The following SLC41A2 variants were observed in gnomAD, a reference collection of about 807,000 sequenced individuals.
SLC41A2 encodes SLC41A1-like 1.
Under a neutral mutation model 58.3 loss-of-function variants are expected in SLC41A2, and 32 were observed. The observed-to-expected ratio is 0.55, with a 90% CI of 0.41 to 0.74. The LOEUF is 0.74. Among genes scored for constraint, SLC41A2 ranks in the 30% least tolerant of loss-of-function variants. The pLI is 0.00. For missense variants in SLC41A2, 514 were observed against 680.6 expected, an observed-to-expected ratio of 0.76 and a Z score of 2.72; for synonymous variants, 190 against 235.0, an observed-to-expected ratio of 0.81 and a Z score of 1.75.
chr12:104,899,950 A>T, intron 3 of SLC41A2, among the ~76,000 whole-genome samples: 1 of 152,106 alleles, frequency 6.6e-6, no homozygotes, highest in Non-Finnish European at 1.5e-5. Flanking sequence ...ATTCCTATGT[A>T]AATGCACTTT....
At chr12:104,896,751 T>G (rs1420701577) in intron 3 of SLC41A2, among the ~76,000 whole-genome samples, 3 of 152,200 alleles carry the variant, frequency 2.0e-5, no homozygotes, top group Non-Finnish European at 4.4e-5. Context: ...TTTGCAACTG[T>G]GCCACGTTAA....
intron 10 of SLC41A2, among the ~76,000 whole-genome samples, chr12:104,839,280 G>T (rs929641883): frequency 6.6e-6 from 1 of 151,980 alleles, no homozygotes; most frequent in Admixed American, 6.5e-5. Flanking sequence ...TTTCCACTGG[G>T]ATACTTTATA....
At chr12:104,939,880 A>T (rs2047432158) in intron 1 of SLC41A2, among the ~76,000 whole-genome samples, 1 of 152,222 alleles carries the variant, frequency 6.6e-6, no homozygotes, top group African/African-American at 2.4e-5. Context: ...ACACACATAC[A>T]CACATACAGA....
intron 1 of SLC41A2, among the ~76,000 whole-genome samples, chr12:104,957,229 A>T (rs1400067345): frequency 1.3e-5 from 2 of 152,244 alleles, no homozygotes; most frequent in African/African-American, 2.4e-5. Context: ...ATACTACATG[A>T]GTGAAACTTG....
chr12:104,824,442 G>C (rs1412983106), intron 10 of SLC41A2, among the ~76,000 whole-genome samples: 2 of 152,118 alleles, frequency 1.3e-5, no homozygotes, highest in African/African-American at 4.8e-5. Flanking sequence ...CCTCCAAGCG[G>C]CCCGACTCCA....
intron 4 of SLC41A2, among the ~76,000 whole-genome samples, chr12:104,894,846 C>T (rs1187146228): frequency 6.6e-6 from 1 of 151,994 alleles, no homozygotes; most frequent in Admixed American, 6.6e-5. Flanking sequence ...TATATTAATA[C>T]TAGTAACTAA....
In SLC41A2 at chr12:104,869,770, A is replaced by G. The variant is rs547717710; in HGVS notation, c.1028-3191T>C. Among the ~76,000 whole-genome samples the G allele has an allele frequency of 5.4e-4, 83 of 152,336 alleles. 1 individual carries two copies. Among genetic ancestry groups the G allele is most frequent in the Non-Finnish European group, 6.3e-4 (43 of 68,034 alleles). ...ACAAATATATAAAAAGAGATGCTACAAACATTTCTCTTTTTTGGATATACT... is the reference window on the plus strand; with the variant it reads ...ACAAATATATAAAAAGAGATGCTACGAACATTTCTCTTTTTTGGATATACT... On this transcript the variant is annotated intron_variant, in intron 6 of 10. Coordinates refer to ENST00000258538, the MANE Select transcript of SLC41A2 (RefSeq NM_001352171.3).
Position 104,845,914 on chromosome 12 carries a change from T to C in SLC41A2, c.1316A>G (p.His439Arg), listed in dbSNP as rs759570351. The stretch of plus-strand genomic sequence containing the variant: ...ATCAGGCAATTCTCCTGGAATGCTA[T>C]GTAAATGGAGGTAGGTAGAAATCCT... ...ASRISTYLHL[H>R]SIPGELPDEP... Residue 439 changes from histidine to arginine, a missense_variant, in exon 9 of 11, where the codon CAT becomes CGT. His to Arg is a conservative substitution (Grantham distance 29). Around this residue, in one of 3 missense-constraint regions of SLC41A2, gnomAD observed 50 missense variants for 104.5 expected, o/e 0.48. Coordinates refer to ENST00000258538, the MANE Select transcript of SLC41A2 (RefSeq NM_001352171.3). 11 of 1,613,876 alleles carry C rather than the reference T, an allele frequency of 6.8e-6. No individual in the cohort carries two copies. Among genetic ancestry groups the C allele is most frequent in the Admixed American group, 5.0e-5 (3 of 60,008 alleles).
intron 3 of SLC41A2, among the ~76,000 whole-genome samples, chr12:104,902,365 A>T (rs1228004337): frequency 6.6e-6 from 1 of 152,200 alleles, no homozygotes; most frequent in Admixed American, 6.5e-5. Flanking sequence ...CTGGATAGAG[A>T]GTGAAGAGGG....
intron 1 of SLC41A2, among the ~76,000 whole-genome samples, chr12:104,948,544 A>T (rs1466345938): frequency 6.6e-6 from 1 of 152,232 alleles, no homozygotes; most frequent in East Asian, 1.9e-4. Flanking sequence ...CATCCTTTAC[A>T]GTTTAGAAAA....
intron 8 of SLC41A2, among the ~76,000 whole-genome samples, chr12:104,850,714 T>C (rs1439312154): frequency 6.6e-6 from 1 of 152,214 alleles, no homozygotes; most frequent in Non-Finnish European, 1.5e-5. Context: ...TTAAACTAAA[T>C]GTAGCTTCAT....
At chr12:104,827,508 T>G (rs2041889057) in intron 10 of SLC41A2, among the ~76,000 whole-genome samples, 1 of 152,262 alleles carries the variant, frequency 6.6e-6, no homozygotes, top group Non-Finnish European at 1.5e-5. Context: ...GTTTAATTTC[T>G]TTCACCAGGG....
At position 104,895,273 on chromosome 12, in the gene SLC41A2, C is replaced by T; in HGVS notation, c.735+1G>A. On this transcript the variant is annotated splice_donor_variant, in intron 4 of 10. Coordinates refer to ENST00000258538, the MANE Select transcript of SLC41A2 (RefSeq NM_001352171.3). LOFTEE classifies it high-confidence loss of function. ...TGTAAACAAATATGTGTACCACTTA[C>T]CTGCTTTAAAGCCAAGTTGCCAATT... 6.2e-7 allele frequency: 1 copy of T among 1,610,538 alleles called. No individual in the cohort carries two copies. The highest frequency in any genetic ancestry group is 8.5e-7 in the Non-Finnish European group (1 of 1,177,086).
At chr12:104,847,726 AG>A (rs2042658065) in intron 8 of SLC41A2, among the ~76,000 whole-genome samples, 1 of 152,134 alleles carries the variant, frequency 6.6e-6, no homozygotes, top group South Asian at 2.1e-4. Flanking sequence ...TCATTCATTG[AG>A]TACACATATA....
At chr12:104,831,147 T>G (rs1183282727) in intron 10 of SLC41A2, among the ~76,000 whole-genome samples, 1 of 152,162 alleles carries the variant, frequency 6.6e-6, no homozygotes, top group Non-Finnish European at 1.5e-5. Context: ...TCAAGCAATC[T>G]GTCTGCCTCA....
chr12:104,846,521 A>G (rs907991138), intron 8 of SLC41A2, among the ~76,000 whole-genome samples: 40 of 152,362 alleles, frequency 2.6e-4, no homozygotes, highest in African/African-American at 9.4e-4. Flanking sequence ...TGCAGGAGAA[A>G]GAAGTTAAGC....
chr12:104,877,294 G>A (rs1484394181), intron 6 of SLC41A2, among the ~76,000 whole-genome samples: 1 of 152,136 alleles, frequency 6.6e-6, no homozygotes, highest in East Asian at 1.9e-4. Context: ...GATCTTAGGA[G>A]GCCCCCTAGT....
chr12:104,884,413 T>A (rs541906057), intron 6 of SLC41A2, among the ~76,000 whole-genome samples: 2 of 152,218 alleles, frequency 1.3e-5, no homozygotes, highest in East Asian at 3.9e-4. Context: ...AAATCACCCA[T>A]CTTCTGCGTC....
At chr12:104,947,326 C>T (rs999287040) in intron 1 of SLC41A2, among the ~76,000 whole-genome samples, 6 of 150,380 alleles carry the variant, frequency 4.0e-5, no homozygotes, top group Admixed American at 1.3e-4. Flanking sequence ...GCCTCAGCCT[C>T]CTGAGTAGCT....
Sources: allele counts gnomAD v4.1 joint callset (sites outside exome capture counted in the v4.1 genomes callset), GRCh38; gene constraint gnomAD v4.1.1; regional missense constraint gnomAD v4.1.1; transcripts MANE v1.5; gene names NCBI Gene and HGNC (gene_info 2026-07-23, HGNC 2026-07-21).